DOCK1: variants seen among roughly 807,000 people sequenced by gnomAD.
The protein encoded by DOCK1 is dedicator of cytokinesis protein 1.
Under a neutral mutation model 262.7 loss-of-function variants are expected in DOCK1, and 138 were observed. That is an observed-to-expected ratio of 0.53 (90% CI 0.46 to 0.61). DOCK1 has a LOEUF of 0.61. Among genes scored for constraint, DOCK1 ranks in the 20% least tolerant of loss-of-function variants. The pLI is 0.00. For synonymous variants in DOCK1, 866 were observed against 867.4 expected (o/e 1.00, Z 0.03); for missense variants, 1,908 against 2,370.7 (o/e 0.80, Z 4.05).
chr10:126,936,939 T>C (rs894536982), intron 1 of DOCK1, among the ~76,000 whole-genome samples: 6 of 152,194 alleles, frequency 3.9e-5, no homozygotes, highest in Non-Finnish European at 1.5e-5. Context: ...CATCAGACAC[T>C]AACCCTCCCT....
chr10:126,995,831 A>G lies in DOCK1; in HGVS notation c.474-917A>G, dbSNP rs566278595. On this transcript the variant is annotated intron_variant, in intron 6 of 51. Transcript: ENST00000623213. This position sits in a 1 kb window ranked among gnomAD's most constrained non-coding sequence, Gnocchi z 5.8. ...TAACGTCCATATGTTTGGTGTTCAC[A>G]TACAATAGAACATCTGTATTGAAAA... Among the ~76,000 whole-genome samples, 13 of 152,352 alleles carry G rather than the reference A, an allele frequency of 8.5e-5. No homozygotes were observed. The highest frequency in any genetic ancestry group is 2.6e-4 in the African/African-American group (11 of 41,582).
intron 10 of DOCK1, among the ~76,000 whole-genome samples, chr10:127,003,964 C>G (rs1047590853): frequency 7.3e-5 from 11 of 150,278 alleles, no homozygotes; most frequent in African/African-American, 2.4e-4. Context: ...CCCTCCCCCC[C>G]AAAAAAAAGG....
chr10:127,363,004 CGCACAT>C (rs2064661339), intron 33 of DOCK1, among the ~76,000 whole-genome samples: 1 of 52,630 alleles, frequency 1.9e-5, no homozygotes. Flanking sequence ...CACACACACA[CGCACAT>C]CCCCACACAC....
intron 27 of DOCK1, among the ~76,000 whole-genome samples, chr10:127,155,775 C>T (rs542881211): frequency 2.0e-5 from 3 of 152,328 alleles, no homozygotes; most frequent in African/African-American, 7.2e-5. Flanking sequence ...CTTTCTCCAT[C>T]AGCTAATTCT....
intron 38 of DOCK1, among the ~76,000 whole-genome samples, chr10:127,386,077 G>C (rs2134145555): frequency 6.6e-6 from 1 of 152,264 alleles, no homozygotes. Flanking sequence ...GCCCCTTTTT[G>C]TGGCTGTTGA....
intron 29 of DOCK1, among the ~76,000 whole-genome samples, chr10:127,323,319 G>T (rs1401197733): frequency 1.3e-5 from 2 of 152,136 alleles, no homozygotes; most frequent in African/African-American, 4.8e-5. Flanking sequence ...TGTGTGTCTT[G>T]CACCATGCCT....
At chr10:127,379,396 T>G (rs763585708) in intron 35 of DOCK1, among the ~76,000 whole-genome samples, 2 of 152,200 alleles carry the variant, frequency 1.3e-5, no homozygotes, top group Non-Finnish European at 2.9e-5. Flanking sequence ...TAACTGTGGT[T>G]TGGAAGGTTT....
chr10:127,279,705 G>C (rs1590246106), intron 29 of DOCK1, among the ~76,000 whole-genome samples: 1 of 152,292 alleles, frequency 6.6e-6, no homozygotes, highest in East Asian at 1.9e-4. Flanking sequence ...TCCCAGCCTG[G>C]TGTATTCAGA....
At chr10:126,972,668 G>T (rs1301165288) in intron 2 of DOCK1, among the ~76,000 whole-genome samples, 1 of 152,098 alleles carries the variant, frequency 6.6e-6, no homozygotes. Flanking sequence ...AGTATGCCCA[G>T]CTTCCTGCTC....
intron 29 of DOCK1, among the ~76,000 whole-genome samples, chr10:127,274,080 A>G (rs1263556573): frequency 6.6e-6 from 1 of 152,208 alleles, no homozygotes; most frequent in Non-Finnish European, 1.5e-5. Flanking sequence ...ATTTCAGAGC[A>G]GTATTCAAAT....
At chr10:127,203,950 T>C (rs2057593446) in intron 27 of DOCK1, among the ~76,000 whole-genome samples, 1 of 151,946 alleles carries the variant, frequency 6.6e-6, no homozygotes, top group African/African-American at 2.4e-5. Flanking sequence ...GGCTTGTAAA[T>C]GTTGCTTAAT....
At chr10:127,146,146 G>A (rs770931374) in intron 27 of DOCK1, 39 of 457,030 alleles carry the variant, frequency 8.5e-5, no homozygotes, top group Non-Finnish European at 1.2e-4. Flanking sequence ...AACTGACAGC[G>A]TAGTCCCCTC....
intron 27 of DOCK1, among the ~76,000 whole-genome samples, chr10:127,225,098 C>A (rs937583901): frequency 6.6e-6 from 1 of 152,134 alleles, no homozygotes; most frequent in South Asian, 2.1e-4. Context: ...TGCCAGGAAA[C>A]CTGAACTAGA....
At chr10:127,265,527 C>T (rs1178593420) in intron 29 of DOCK1, among the ~76,000 whole-genome samples, 1 of 152,208 alleles carries the variant, frequency 6.6e-6, no homozygotes, top group Non-Finnish European at 1.5e-5. Context: ...CTCTCCTCCT[C>T]TCCCCATGAT....
At position 127,300,215 on chromosome 10, in the gene DOCK1, G is replaced by A. The variant is rs969775817; in HGVS notation, c.3045-38791G>A. Among the ~76,000 whole-genome samples the A allele has an allele frequency of 5.9e-5, 9 of 152,162 alleles. No individual in the cohort carries two copies. In the East Asian group the frequency reaches 7.7e-4, roughly 13 times the overall value. ...CTCACCTGAACTCTTGGGAATTGCC[G>A]CCTAGAGACCACCATGCAAAGCAGG... On this transcript the variant is annotated intron_variant, in intron 29 of 51. Coordinates refer to ENST00000623213, the MANE Select transcript of DOCK1 (RefSeq NM_001290223.2).
chr10:127,010,335 C>T (rs1291882823), intron 11 of DOCK1, among the ~76,000 whole-genome samples: 3 of 152,124 alleles, frequency 2.0e-5, no homozygotes, highest in East Asian at 3.9e-4. Context: ...GGTGTGGCGG[C>T]AGGTGCCTGT....
intron 19 of DOCK1, among the ~76,000 whole-genome samples, chr10:127,040,774 A>T (rs2043965221): frequency 6.6e-6 from 1 of 152,136 alleles, no homozygotes; most frequent in Admixed American, 6.5e-5. Context: ...TTACAGTTTC[A>T]TTGAGATATA....
At chr10:127,105,202 C>T (rs2048463797) in intron 23 of DOCK1, among the ~76,000 whole-genome samples, 1 of 152,170 alleles carries the variant, frequency 6.6e-6, no homozygotes, top group South Asian at 2.1e-4. Context: ...GAGGCCTTCC[C>T]AGCCATGTGG....
At chr10:127,409,560 C>CA (rs1368888439) in intron 42 of DOCK1, among the ~76,000 whole-genome samples, 169 bp downstream of exon 42, 1 of 151,998 alleles carries the variant, frequency 6.6e-6, no homozygotes, top group East Asian at 1.9e-4. Flanking sequence ...TTTCAGCATC[C>CA]AAAAAAAGTG....
Sources: allele counts gnomAD v4.1 joint callset (sites outside exome capture counted in the v4.1 genomes callset), GRCh38; gene constraint gnomAD v4.1.1; non-coding constraint Gnocchi (gnomAD v3.1); transcripts MANE v1.5; gene names NCBI Gene and HGNC (gene_info 2026-07-23, HGNC 2026-07-21).